BCKDHB: variants seen among roughly 807,000 people sequenced by gnomAD.
The protein encoded by BCKDHB is branched chain keto acid dehydrogenase E1 subunit beta.
A neutral mutation model predicts 48.5 loss-of-function variants in BCKDHB; 41 were observed. The ratio of observed to expected loss-of-function variants is 0.85; its 90% CI spans 0.66 to 1.10. The LOEUF (loss-of-function observed/expected upper bound fraction) is 1.10. Ranked by LOEUF, BCKDHB falls within the 50% of genes least tolerant of loss-of-function variation. BCKDHB has a pLI of 0.00. For missense variants in BCKDHB, 496 were observed against 494.2 expected, an observed-to-expected ratio of 1.00 and a Z score of -0.03; for synonymous variants, 201 against 174.8, an observed-to-expected ratio of 1.15 and a Z score of -1.18.
In BCKDHB at chr6:80,336,069, G is replaced by A. The variant is rs185785790; in HGVS notation, c.1039-7595G>A. 2.0e-3 allele frequency among the ~76,000 whole-genome samples: 309 copies of A among 151,940 alleles called. 1 individual carries two copies. The highest frequency in any genetic ancestry group is 6.9e-3 in the African/African-American group (286 of 41,494). ...GTTACTTATTTCTGATTTTAAAATA[G>A]CAAAATTTATAAAGCTATAGTTTTG... On this transcript the variant is annotated intron_variant, in intron 9 of 9. Transcript: ENST00000320393.
At chr6:80,115,929 C>G (rs922254728) in intron 1 of BCKDHB, among the ~76,000 whole-genome samples, 1 of 151,952 alleles carries the variant, frequency 6.6e-6, no homozygotes, top group African/African-American at 2.4e-5. Context: ...TGAGGATGTG[C>G]TGTAACACAC....
chr6:80,116,323 T>G (rs939445069), intron 1 of BCKDHB, among the ~76,000 whole-genome samples: 1 of 152,252 alleles, frequency 6.6e-6, no homozygotes, highest in African/African-American at 2.4e-5. Context: ...CTTAGACATT[T>G]CTTTCTCTTT....
rs569978143 is a variant in BCKDHB at position 80,316,870 on chromosome 6, C to T, written c.1039-26794C>T. On this transcript the variant is annotated intron_variant, in intron 9 of 9. Coordinates refer to ENST00000320393, the MANE Select transcript of BCKDHB (RefSeq NM_183050.4). The stretch of plus-strand genomic sequence containing the variant: ...TATTTAGAAGCACCCAACAGTGTGG[C>T]TTTTATTCTGATTGTTTTCAAATGT... Among the ~76,000 whole-genome samples the T allele has an allele frequency of 3.7e-4, 56 of 152,266 alleles. 1 individual carries two copies. In the South Asian group the frequency reaches 0.011, roughly 31 times the overall value.
chr6:80,440,344 A>G, the BCKDHB span, among the ~76,000 whole-genome samples: 64 of 152,378 alleles, frequency 4.2e-4, no homozygotes, highest in African/African-American at 1.5e-3. Context: ...TAACTTTACC[A>G]GATGGCTTCC....
intron 8 of BCKDHB, among the ~76,000 whole-genome samples, chr6:80,255,321 A>G (rs1777004353): frequency 6.6e-6 from 1 of 152,204 alleles, no homozygotes; most frequent in Non-Finnish European, 1.5e-5. Flanking sequence ...AGATGTAGGA[A>G]TGTTTCTACT....
chr6:80,244,393 A>T (rs1776519046), intron 8 of BCKDHB, among the ~76,000 whole-genome samples: 2 of 152,268 alleles, frequency 1.3e-5, no homozygotes, highest in African/African-American at 4.8e-5. Context: ...TTTTGAGGTA[A>T]TATTCCATAG....
intron 9 of BCKDHB, among the ~76,000 whole-genome samples, chr6:80,326,651 G>A (rs553154590): frequency 6.6e-6 from 1 of 152,264 alleles, no homozygotes; most frequent in East Asian, 1.9e-4. Context: ...ACTTTGGGAG[G>A]CCGAGGTAGG....
chr6:80,336,513 AC>A (rs5877703), intron 9 of BCKDHB, among the ~76,000 whole-genome samples: 64,867 of 141,762 alleles, frequency 0.46, 15,612 homozygotes, highest in Admixed American at 0.6. Flanking sequence ...ACAAAAAAAA[AC>A]CAAATTTACC....
chr6:80,411,754 C>A, the BCKDHB span, among the ~76,000 whole-genome samples: 3 of 152,238 alleles, frequency 2.0e-5, no homozygotes, highest in African/African-American at 4.8e-5. Flanking sequence ...GCTCTGTGGG[C>A]GTGTGACCCA....
At chr6:80,226,268 A>T (rs966064110) in intron 8 of BCKDHB, among the ~76,000 whole-genome samples, 1 of 152,222 alleles carries the variant, frequency 6.6e-6, no homozygotes, top group Non-Finnish European at 1.5e-5. Context: ...TACATTCCAT[A>T]TAGGGGCATT....
the BCKDHB span, among the ~76,000 whole-genome samples, chr6:80,463,778 C>T: frequency 5.3e-5 from 8 of 152,212 alleles, 1 homozygote; most frequent in South Asian, 4.2e-4. Context: ...ATTTAATTTT[C>T]CTGGCCTCGT....
chr6:80,139,096 GTCT>G (rs1771048081), intron 3 of BCKDHB, among the ~76,000 whole-genome samples: 2 of 152,300 alleles, frequency 1.3e-5, no homozygotes, highest in South Asian at 4.1e-4. Flanking sequence ...CTGCATAAAT[GTCT>G]TCTTCTGAGA....
At chr6:80,262,714 T>A (rs1777356101) in intron 8 of BCKDHB, among the ~76,000 whole-genome samples, 1 of 152,190 alleles carries the variant, frequency 6.6e-6, no homozygotes, top group African/African-American at 2.4e-5. Context: ...AGCAGTGGTA[T>A]TTTCTCTTTT....
At chr6:80,406,860 A>G in the BCKDHB span, among the ~76,000 whole-genome samples, 1 of 152,186 alleles carries the variant, frequency 6.6e-6, no homozygotes, top group South Asian at 2.1e-4. Flanking sequence ...CTTTAGTTTA[A>G]TTAGATCCCA....
At chr6:80,420,705 T>C in the BCKDHB span, among the ~76,000 whole-genome samples, 1 of 152,212 alleles carries the variant, frequency 6.6e-6, no homozygotes, top group African/African-American at 2.4e-5. Flanking sequence ...GGTTGCTATG[T>C]ACTCCTGTCC....
the BCKDHB span, among the ~76,000 whole-genome samples, chr6:80,445,680 G>C: frequency 6.6e-6 from 1 of 152,192 alleles, no homozygotes; most frequent in Admixed American, 6.5e-5. Flanking sequence ...CTTAATAGCA[G>C]AGACTATAGA....
At chr6:80,309,255 G>A (rs757478052) in intron 9 of BCKDHB, among the ~76,000 whole-genome samples, 9 of 151,600 alleles carry the variant, frequency 5.9e-5, no homozygotes, top group Non-Finnish European at 1.2e-4. Context: ...GTAGAGACAG[G>A]GGTTTCACCA....
At chr6:80,320,663 T>C (rs1301272738) in intron 9 of BCKDHB, among the ~76,000 whole-genome samples, 3 of 152,198 alleles carry the variant, frequency 2.0e-5, no homozygotes, top group Non-Finnish European at 4.4e-5. Flanking sequence ...GCTCCTAATA[T>C]TTGCATAGTC....
chr6:80,209,779 A>G (rs1774834727), intron 8 of BCKDHB, among the ~76,000 whole-genome samples: 5 of 152,042 alleles, frequency 3.3e-5, no homozygotes, highest in Admixed American at 3.3e-4. Flanking sequence ...TAACGTTAAA[A>G]AAGGGCTGAT....
Sources: allele counts gnomAD v4.1 joint callset (sites outside exome capture counted in the v4.1 genomes callset), GRCh38; gene constraint gnomAD v4.1.1; transcripts MANE v1.5; gene names NCBI Gene and HGNC (gene_info 2026-07-23, HGNC 2026-07-21).